The following USP34 variants were observed in gnomAD, a reference collection of about 807,000 sequenced individuals.
The protein encoded by USP34 is ubiquitin specific peptidase 34.
USP34 carries 70 observed loss-of-function variants against 460.3 expected under a neutral mutation model. That is an observed-to-expected ratio of 0.15 (90% CI 0.13 to 0.19). The LOEUF is 0.19. Ranked by LOEUF, USP34 falls within the 10% of genes least tolerant of loss-of-function variation. The pLI, the probability that USP34 is intolerant of heterozygous loss-of-function variation, is 1.00. For missense variants in USP34, 3,985 were observed against 4,236.2 expected, an observed-to-expected ratio of 0.94 and a Z score of 1.65; for synonymous variants, 1,647 against 1,405.3, an observed-to-expected ratio of 1.17 and a Z score of -3.85.
intron 1 of USP34, among the ~76,000 whole-genome samples, chr2:61,448,367 A>G (rs1695177903): frequency 6.6e-6 from 1 of 152,048 alleles, no homozygotes; most frequent in African/African-American, 2.4e-5. Context: ...CAGGAGGATC[A>G]CCTTAGCTGA....
Position 61,470,711 on chromosome 2 carries a change from C to G in USP34, c.-19G>C, listed in dbSNP as rs1236070121. ...CGCACATCGTTCGGCCGCCGCCCCC[C>G]CCCTCCCCCGCTTCGGATCACACTG... is the stretch of plus-strand genomic sequence containing the variant. On this transcript the variant is annotated 5_prime_UTR_variant, in exon 1 of 80. Coordinates refer to ENST00000398571, the MANE Select transcript of USP34 (RefSeq NM_014709.4). 3 of 1,588,958 alleles carry G rather than the reference C, an allele frequency of 1.9e-6. No homozygotes were observed. The highest frequency in any genetic ancestry group is 2.6e-6 in the Non-Finnish European group (3 of 1,167,162).
chr2:61,393,514 G>A (rs563957158), intron 5 of USP34, among the ~76,000 whole-genome samples: 48 of 151,860 alleles, frequency 3.2e-4, no homozygotes, highest in African/African-American at 1.0e-3. Context: ...CAGAATGGGT[G>A]GAATTTTTTA....
intron 10 of USP34, among the ~76,000 whole-genome samples, chr2:61,354,360 A>G (rs1267689947): frequency 6.6e-6 from 1 of 152,218 alleles, no homozygotes; most frequent in African/African-American, 2.4e-5. Context: ...CAAGGGGCTA[A>G]AAGAAAAATC....
intron 66 of USP34, 145 bp downstream of exon 66, chr2:61,221,357 A>G (rs1687579565): frequency 3.0e-6 from 2 of 669,590 alleles, no homozygotes; most frequent in Non-Finnish European, 2.5e-6. Context: ...GAGACTAGCT[A>G]GGAACTCTTT....
At chr2:61,256,817 C>A in intron 47 of USP34, 56 bp downstream of exon 47, 2 of 1,348,230 alleles carry the variant, frequency 1.5e-6, no homozygotes, top group African/African-American at 1.5e-5. Context: ...CACAAACCCG[C>A]TATACACAAA....
chr2:61,403,784 G>A (rs1015750957), intron 3 of USP34, among the ~76,000 whole-genome samples: 3 of 151,834 alleles, frequency 2.0e-5, no homozygotes, highest in Non-Finnish European at 4.4e-5. Context: ...CCAGGAGATC[G>A]AGACCATCCT....
intron 2 of USP34, among the ~76,000 whole-genome samples, chr2:61,416,180 T>C (rs1343789234): frequency 1.3e-5 from 2 of 152,198 alleles, no homozygotes; most frequent in Admixed American, 6.5e-5. Flanking sequence ...CAACAGTCCA[T>C]TGGTCCAACA....
chr2:61,318,339 T>G (rs1325838731), intron 22 of USP34, among the ~76,000 whole-genome samples: 1 of 152,208 alleles, frequency 6.6e-6, no homozygotes, highest in Non-Finnish European at 1.5e-5. Context: ...TATCATGCAT[T>G]GTATACCTAT....
At chr2:61,286,533 G>A (rs1689695355) in intron 34 of USP34, among the ~76,000 whole-genome samples, 1 of 151,916 alleles carries the variant, frequency 6.6e-6, no homozygotes, top group African/African-American at 2.4e-5. Context: ...GCGTGTGCCT[G>A]TAATCCCAGC....
At chr2:61,365,793 A>T (rs1378017040) in intron 10 of USP34, among the ~76,000 whole-genome samples, 1 of 152,150 alleles carries the variant, frequency 6.6e-6, no homozygotes, top group Admixed American at 6.5e-5. Flanking sequence ...GGAAAATGAG[A>T]AAGGAGAAAA....
chr2:61,236,462 CA>C, intron 53 of USP34, 73 bp from the exon 54 acceptor site: 2 of 1,143,474 alleles, frequency 1.7e-6, no homozygotes, highest in Admixed American at 2.9e-5. Flanking sequence ...TTTTATTAGA[CA>C]AAAAGTCTCT....
chr2:61,410,727 A>T (rs986162508), intron 2 of USP34, among the ~76,000 whole-genome samples: 1 of 152,230 alleles, frequency 6.6e-6, no homozygotes, highest in Non-Finnish European at 1.5e-5. Flanking sequence ...AGAAAAACAG[A>T]AATAATGAAA....
intron 44 of USP34, among the ~76,000 whole-genome samples, chr2:61,258,959 A>C (rs542016278): frequency 7.9e-5 from 12 of 152,256 alleles, no homozygotes; most frequent in African/African-American, 2.9e-4. Flanking sequence ...GACAAATAAC[A>C]GAGATAACTG....
chr2:61,240,769 T>G (rs995185899), intron 53 of USP34, among the ~76,000 whole-genome samples: 3 of 152,022 alleles, frequency 2.0e-5, no homozygotes, highest in Non-Finnish European at 2.9e-5. Flanking sequence ...AGCTGCAGTT[T>G]TGCCATGTTG....
chr2:61,295,525 G>A (rs567667385), intron 30 of USP34, among the ~76,000 whole-genome samples: 1 of 151,984 alleles, frequency 6.6e-6, no homozygotes, highest in Non-Finnish European at 1.5e-5. Flanking sequence ...ACAGCAGCAT[G>A]GGAAAATAAT....
chr2:61,335,278 T>C (rs1012433375), intron 18 of USP34, among the ~76,000 whole-genome samples: 1 of 152,230 alleles, frequency 6.6e-6, no homozygotes, highest in Non-Finnish European at 1.5e-5. Flanking sequence ...TTATCAACTT[T>C]TTTGCCCAAG....
chr2:61,415,362 C>T (rs1163135070), intron 2 of USP34, among the ~76,000 whole-genome samples: 2 of 152,114 alleles, frequency 1.3e-5, no homozygotes, highest in Non-Finnish European at 2.9e-5. Context: ...AAAGACAGTA[C>T]ACCAAGAAAG....
At chr2:61,458,848 G>T (rs1314621395) in intron 1 of USP34, among the ~76,000 whole-genome samples, 4 of 151,786 alleles carry the variant, frequency 2.6e-5, no homozygotes, top group Non-Finnish European at 5.9e-5. Flanking sequence ...CAGGTGGATG[G>T]TGAGGTCAGG....
chr2:61,303,817 T>C (rs890002160), intron 27 of USP34, among the ~76,000 whole-genome samples: 3 of 151,524 alleles, frequency 2.0e-5, no homozygotes, highest in Non-Finnish European at 2.9e-5. Flanking sequence ...AGGATGGTGT[T>C]ATCTCCTGAC....
Sources: allele counts gnomAD v4.1 joint callset (sites outside exome capture counted in the v4.1 genomes callset), GRCh38; gene constraint gnomAD v4.1.1; transcripts MANE v1.5; gene names NCBI Gene and HGNC (gene_info 2026-07-23, HGNC 2026-07-21).